AFDN: variants seen among roughly 807,000 people sequenced by gnomAD.
The protein encoded by AFDN is afadin.
AFDN carries 68 observed loss-of-function variants against 216.6 expected under a neutral mutation model. That is an observed-to-expected ratio of 0.31 (90% confidence interval 0.26 to 0.38). The LOEUF is 0.38. Among genes scored for constraint, AFDN ranks in the 10% least tolerant of loss-of-function variants. The pLI is 1.00. For synonymous variants in AFDN, 868 were observed against 853.7 expected, an observed-to-expected ratio of 1.02 and a Z score of -0.29; for missense variants, 2,136 against 2,342.0, an observed-to-expected ratio of 0.91 and a Z score of 1.82.
rs1207910562 is a variant in AFDN at position 167,837,716 on chromosome 6, G to A, written c.105+10479G>A. On this transcript the variant is annotated intron_variant, in intron 1 of 33. Transcript: ENST00000683244. ...AAGGCACAGGGAGATTAAATAACTT[G>A]CTTCAGGGTATGCAAAACTAGTAAG... is the stretch of plus-strand genomic sequence containing the variant. 3.6e-4 allele frequency among the ~76,000 whole-genome samples: 55 copies of A among 152,136 alleles called. 1 individual carries two copies. Among genetic ancestry groups the A allele is most frequent in the Non-Finnish European group, 2.9e-5 (2 of 68,028 alleles).
At chr6:167,923,120 A>G (rs1792040934) in intron 22 of AFDN, 161 bp downstream of exon 22, 4 of 552,916 alleles carry the variant, frequency 7.2e-6, no homozygotes, top group South Asian at 5.1e-5. Context: ...TAATTCATAT[A>G]TATGTATTTT....
chr6:167,862,966 A>G (rs1467376974), intron 1 of AFDN, among the ~76,000 whole-genome samples: 2 of 152,210 alleles, frequency 1.3e-5, no homozygotes, highest in Non-Finnish European at 2.9e-5. Flanking sequence ...ATAGTGGGTA[A>G]CAAGACACCC....
intron 32 of AFDN, among the ~76,000 whole-genome samples, chr6:167,966,882 C>A (rs1797622168): frequency 6.6e-6 from 1 of 152,182 alleles, no homozygotes; most frequent in Admixed American, 6.5e-5. Flanking sequence ...TTCCTCTCAT[C>A]CCCTTTTCCT....
chr6:167,845,374 ATTTCT>A (rs1314300842), intron 1 of AFDN, among the ~76,000 whole-genome samples: 7 of 151,914 alleles, frequency 4.6e-5, no homozygotes, highest in Admixed American at 1.3e-4. Flanking sequence ...TTAAATGAAT[ATTTCT>A]TTTCTTTTCT....
chr6:167,930,461 G>A (rs895704983), intron 23 of AFDN, among the ~76,000 whole-genome samples: 1 of 152,270 alleles, frequency 6.6e-6, no homozygotes, highest in African/African-American at 2.4e-5. Flanking sequence ...TCTAAACTGC[G>A]CTCCAGAGTG....
At chr6:167,963,786 A>C (rs184981006) in intron 31 of AFDN, 1 of 1,062,682 alleles carries the variant, frequency 9.4e-7, no homozygotes, top group Admixed American at 5.4e-5. Flanking sequence ...TGGTAAGTCA[A>C]CATTGATGAT....
intron 21 of AFDN, among the ~76,000 whole-genome samples, chr6:167,920,549 C>T (rs1791651670): frequency 6.6e-6 from 1 of 152,098 alleles, no homozygotes; most frequent in South Asian, 2.1e-4. Context: ...CTCCTCACTC[C>T]ACTTTTTCAT....
At chr6:167,905,752 A>G (rs763996881) in intron 12 of AFDN, among the ~76,000 whole-genome samples, 3 of 152,102 alleles carry the variant, frequency 2.0e-5, no homozygotes, top group South Asian at 2.1e-4. Flanking sequence ...ATTTATAACA[A>G]TTTTTTAATA....
Position 167,944,075 on chromosome 6 carries a change from G to A in AFDN, c.3358+16G>A. ...ATGCAGAGAAGTAAGGACCAGTAGG[G>A]AAACAACAGTGTTTTACAGTCATGG... On this transcript the variant is annotated intron_variant, in intron 26 of 33. Coordinates refer to ENST00000683244, the MANE Select transcript of AFDN (RefSeq NM_001386888.1). 1 of 1,591,730 alleles carries A rather than the reference G, an allele frequency of 6.3e-7. No homozygotes were observed. The highest frequency in any genetic ancestry group is 8.6e-7 in the Non-Finnish European group (1 of 1,159,780).
At chr6:167,891,933 A>G (rs1193886977) in intron 8 of AFDN, among the ~76,000 whole-genome samples, 2 of 152,342 alleles carry the variant, frequency 1.3e-5, no homozygotes, top group Admixed American at 6.5e-5. Flanking sequence ...TGTGTATGAT[A>G]TATGGCTCCA....
At chr6:167,930,364 C>T (rs535438048) in intron 23 of AFDN, among the ~76,000 whole-genome samples, 58 of 152,192 alleles carry the variant, frequency 3.8e-4, no homozygotes, top group Middle Eastern at 3.4e-3. Flanking sequence ...CAGCACATGC[C>T]CCTTGACCAC....
intron 6 of AFDN, among the ~76,000 whole-genome samples, chr6:167,886,813 G>C (rs969654871): frequency 1.3e-5 from 2 of 152,160 alleles, no homozygotes; most frequent in Admixed American, 6.5e-5. Context: ...CTGTTGTGGT[G>C]TGAACACTGA....
intron 31 of AFDN, chr6:167,963,320 G>A (rs2128750088): frequency 2.8e-6 from 3 of 1,061,796 alleles, no homozygotes; most frequent in Non-Finnish European, 3.4e-6. Flanking sequence ...CGAGGGGACT[G>A]CGTGTTGCTC....
chr6:167,888,920 G>T (rs138536949), intron 6 of AFDN, among the ~76,000 whole-genome samples: 1 of 151,978 alleles, frequency 6.6e-6, no homozygotes, highest in Admixed American at 6.6e-5. Flanking sequence ...TAACCATTAC[G>T]TACTGCCGTA....
Position 167,915,411 on chromosome 6 carries a change from G to C in AFDN, c.2543G>C (p.Cys848Ser). The C allele has an allele frequency of 6.2e-7, 1 of 1,613,766 alleles. No homozygotes were observed. Among genetic ancestry groups the C allele is most frequent in the Non-Finnish European group, 8.5e-7 (1 of 1,179,842 alleles). The change falls in exon 19 of 34, where the codon TGT becomes TCT. Residue 848 changes from cysteine to serine, a missense_variant. Coordinates refer to ENST00000683244, the MANE Select transcript of AFDN (RefSeq NM_001386888.1). ...EKQGLELAAD[C>S]HLSRIVQATT... is the part of the protein sequence containing the mutation. ...CAGGGGCTGGAACTGGCTGCGGACT[G>C]TCATCTGAGCAGGATCGTGCAGGTG...
chr6:167,930,557 T>G (rs1477985610), intron 23 of AFDN, among the ~76,000 whole-genome samples: 1 of 152,190 alleles, frequency 6.6e-6, no homozygotes, highest in East Asian at 1.9e-4. Context: ...CAGCCCAGTT[T>G]GGGCTGTCAG....
chr6:167,898,109 A>G lies in AFDN; in HGVS notation c.1318-96A>G, dbSNP rs374053840. 1.7e-3 allele frequency: 2,188 copies of G among 1,326,034 alleles called. 50 individuals are homozygous for G. In the South Asian group the frequency reaches 0.028, roughly 17 times the overall value. 82.1% of individuals were successfully genotyped at this position (1,326,034 alleles called of 1,614,324 possible). A position where few individuals can be genotyped will look rare whatever the true frequency, so the allele number is the denominator to read the frequency against. On this transcript the variant is annotated intron_variant, in intron 10 of 33. Coordinates refer to ENST00000683244, the MANE Select transcript of AFDN (RefSeq NM_001386888.1). ...AAAAATCCAGAGCTTATTAGGTTAT[A>G]TTTGTCATAAAAGGGGTACTCACGG... is the stretch of plus-strand genomic sequence containing the variant.
At chr6:167,960,650 C>A (rs568317322) in intron 30 of AFDN, among the ~76,000 whole-genome samples, 1 of 152,090 alleles carries the variant, frequency 6.6e-6, no homozygotes. Flanking sequence ...TTTTGTTTGG[C>A]GCTGTTTCTC....
At chr6:167,906,267 A>C (rs1020150818) in intron 12 of AFDN, among the ~76,000 whole-genome samples, 2 of 152,246 alleles carry the variant, frequency 1.3e-5, no homozygotes, top group African/African-American at 4.8e-5. Context: ...AATGTTATAC[A>C]GCCATTACAA....
Sources: allele counts gnomAD v4.1 joint callset (sites outside exome capture counted in the v4.1 genomes callset), GRCh38; gene constraint gnomAD v4.1.1; transcripts MANE v1.5; gene names NCBI Gene and HGNC (gene_info 2026-07-23, HGNC 2026-07-21).